CTNNA2: variants seen among roughly 807,000 people sequenced by gnomAD.
CTNNA2 encodes catenin alpha-2.
A neutral mutation model predicts 101.0 loss-of-function variants in CTNNA2; 42 were observed. The ratio of observed to expected loss-of-function variants is 0.42; its 90% CI spans 0.32 to 0.54. The LOEUF (loss-of-function observed/expected upper bound fraction) is 0.54. Ranked by LOEUF, CTNNA2 falls within the 20% of genes least tolerant of loss-of-function variation. The pLI is 0.14. For synonymous variants in CTNNA2, 450 were observed against 456.4 expected (o/e 0.99, Z 0.18); for missense variants, 871 against 1,223.1 (o/e 0.71, Z 4.29).
At chr2:80,309,532 T>G (rs1558992852) in intron 7 of CTNNA2, among the ~76,000 whole-genome samples, 1 of 152,162 alleles carries the variant, frequency 6.6e-6, no homozygotes, top group African/African-American at 2.4e-5. Flanking sequence ...ATTTCTGCTT[T>G]GCCACTTTTT....
At chr2:79,645,725 A>G (rs1451811432) in intron 1 of CTNNA2, among the ~76,000 whole-genome samples, 1 of 152,224 alleles carries the variant, frequency 6.6e-6, no homozygotes, top group African/African-American at 2.4e-5. Flanking sequence ...TCACTTTTGC[A>G]TGTGCAATTA....
intron 1 of CTNNA2, among the ~76,000 whole-genome samples, chr2:79,610,050 A>G (rs1009530284): frequency 1.3e-5 from 2 of 152,162 alleles, no homozygotes; most frequent in Non-Finnish European, 2.9e-5. Flanking sequence ...TTATGTCCAG[A>G]ATGTATAAGG....
intron 7 of CTNNA2, among the ~76,000 whole-genome samples, chr2:79,982,222 ATATATATATATATATATATG>A (rs1452608789): frequency 4.3e-4 from 39 of 90,002 alleles, no homozygotes; most frequent in East Asian, 6.0e-4. Context: ...ATATATATAT[ATATATATATATATATATATG>A]TATGTATATG....
At chr2:79,879,917 C>T in intron 6 of CTNNA2, among the ~76,000 whole-genome samples, 1 of 152,070 alleles carries the variant, frequency 6.6e-6, no homozygotes, top group Non-Finnish European at 1.5e-5. Context: ...GGGAATGCTT[C>T]TTGCTTTTGC....
chr2:79,367,847 C>T (rs905706020), intron 3 of CTNNA2, among the ~76,000 whole-genome samples: 4 of 152,158 alleles, frequency 2.6e-5, no homozygotes, highest in Non-Finnish European at 2.9e-5. Flanking sequence ...ATCTCAATTA[C>T]TCTGGTGAGA....
chr2:80,376,576 A>G (rs1675974615), intron 7 of CTNNA2, among the ~76,000 whole-genome samples: 1 of 152,196 alleles, frequency 6.6e-6, no homozygotes, highest in Non-Finnish European at 1.5e-5. Flanking sequence ...ACAATAAAGA[A>G]TTGTACATTA....
chr2:79,561,180 A>G (rs1674755438), intron 1 of CTNNA2, among the ~76,000 whole-genome samples: 1 of 151,924 alleles, frequency 6.6e-6, no homozygotes, highest in African/African-American at 2.4e-5. Context: ...TATATAATAT[A>G]TGACCTTTGT....
intron 2 of CTNNA2, among the ~76,000 whole-genome samples, chr2:79,260,408 C>T (rs960552875): frequency 3.9e-5 from 6 of 152,156 alleles, no homozygotes; most frequent in African/African-American, 1.4e-4. Flanking sequence ...GATATGTCTC[C>T]TTACCTCAGG....
chr2:79,456,825 G>A (rs1385065135), intron 4 of CTNNA2, among the ~76,000 whole-genome samples: 1 of 152,158 alleles, frequency 6.6e-6, no homozygotes, highest in Non-Finnish European at 1.5e-5. Context: ...TTTTACCCTT[G>A]TGGAAAGAAG....
At chr2:79,729,231 C>G (rs531389697) in intron 2 of CTNNA2, among the ~76,000 whole-genome samples, 1 of 152,050 alleles carries the variant, frequency 6.6e-6, no homozygotes, top group African/African-American at 2.4e-5. Flanking sequence ...GCACCCTTTC[C>G]CCTTGTGGTT....
At chr2:79,864,128 A>T (rs1291639547) in intron 4 of CTNNA2, among the ~76,000 whole-genome samples, 1 of 152,230 alleles carries the variant, frequency 6.6e-6, no homozygotes, top group Non-Finnish European at 1.5e-5. Context: ...CCATATTTTC[A>T]TAGTGTTAGC....
At chr2:79,880,797 G>A (rs1265601352) in intron 6 of CTNNA2, among the ~76,000 whole-genome samples, 1 of 151,782 alleles carries the variant, frequency 6.6e-6, no homozygotes, top group Non-Finnish European at 1.5e-5. Context: ...TTTTTGGAGG[G>A]TTTTTTGTGT....
intron 9 of CTNNA2, among the ~76,000 whole-genome samples, chr2:80,505,377 C>G (rs547706732): frequency 3.3e-5 from 5 of 151,888 alleles, no homozygotes; most frequent in South Asian, 2.1e-4. Flanking sequence ...GAGTAACTAA[C>G]GTACATTGTG....
At chr2:79,223,983 A>C (rs1017512887) in intron 2 of CTNNA2, among the ~76,000 whole-genome samples, 2 of 152,212 alleles carry the variant, frequency 1.3e-5, no homozygotes, top group African/African-American at 4.8e-5. Context: ...AAGTGAAGAC[A>C]GAAGAGTGGG....
chr2:79,478,606 G>A (rs1469117304), intron 4 of CTNNA2, among the ~76,000 whole-genome samples: 1 of 152,194 alleles, frequency 6.6e-6, no homozygotes, highest in Non-Finnish European at 1.5e-5. Flanking sequence ...CAGAGAGGAA[G>A]ATAAGAAAGG....
intron 1 of CTNNA2, among the ~76,000 whole-genome samples, chr2:79,590,654 A>G (rs17017321): frequency 0.024 from 3,645 of 152,166 alleles, 146 homozygotes; most frequent in African/African-American, 0.081. Context: ...TTAGGATACA[A>G]CCTTTTCTAT....
chr2:80,118,711 T>G (rs1701662924), intron 7 of CTNNA2, among the ~76,000 whole-genome samples: 3 of 152,254 alleles, frequency 2.0e-5, no homozygotes, highest in Admixed American at 2.0e-4. Context: ...ATTTTTCCTT[T>G]GAATATTAAC....
rs938114992 is a variant in CTNNA2 at position 79,298,957 on chromosome 2, G to A, written c.-405-13752G>A. Among the ~76,000 whole-genome samples, 5 of 152,214 alleles carry A rather than the reference G, an allele frequency of 3.3e-5. No homozygotes were observed. In the South Asian group the frequency reaches 1.0e-3, roughly 32 times the overall value. On this transcript the variant is annotated intron_variant, in intron 2 of 21. Coordinates refer to the CTNNA2 transcript ENST00000466387. Reference sequence around the variant, plus strand: ...AATCCCTGAATAACTTATCCAAACAGCTCCTAATTCCATTCAGATCTCTTA... The same window carrying A: ...AATCCCTGAATAACTTATCCAAACAACTCCTAATTCCATTCAGATCTCTTA...
chr2:79,437,085 T>C (rs1678724513), intron 4 of CTNNA2, among the ~76,000 whole-genome samples: 1 of 151,906 alleles, frequency 6.6e-6, no homozygotes, highest in Non-Finnish European at 1.5e-5. Context: ...AATACAAAAA[T>C]TAGCCGGGTA....
Sources: allele counts gnomAD v4.1 joint callset (sites outside exome capture counted in the v4.1 genomes callset), GRCh38; gene constraint gnomAD v4.1.1; transcripts MANE v1.5; gene names NCBI Gene and HGNC (gene_info 2026-07-23, HGNC 2026-07-21).